E2F7: variants seen among roughly 807,000 people sequenced by gnomAD.
The protein encoded by E2F7 is E2F transcription factor 7, also known as transcription factor E2F7.
A neutral mutation model predicts 81.1 loss-of-function variants in E2F7; 35 were observed. That is an observed-to-expected ratio of 0.43 (90% CI 0.33 to 0.57). E2F7 has a LOEUF of 0.57. E2F7 is among the 20% of genes least tolerant of loss of function. The pLI is 0.04. For missense variants in E2F7, 961 were observed against 1,093.7 expected (o/e 0.88, Z 1.71); for synonymous variants, 416 against 416.2 (o/e 1.00, Z 0.01).
At position 77,024,021 on chromosome 12, in the gene E2F7, A is replaced by T; in HGVS notation, c.2730T>A (p.Ala910=). ...QRRLEIPSGG[A]D is the part of the protein sequence containing the mutation. ...CACCTGGCAAAGCGGCAGGTTAGTC[A>T]GCGCCGCCGCTGGGGATTTCTAGTC... is the stretch of plus-strand genomic sequence containing the variant. Residue 910 remains alanine, a synonymous_variant, in exon 13 of 13, where the codon GCT becomes GCA. Transcript: ENST00000322886. 6.2e-7 allele frequency: 1 copy of T among 1,612,968 alleles called. No individual in the cohort carries two copies. Among genetic ancestry groups the T allele is most frequent in the Non-Finnish European group, 8.5e-7 (1 of 1,179,788 alleles).
In E2F7 at chr12:77,027,856, A is replaced by G. The variant is rs937716582; in HGVS notation, c.2140+27T>C. On this transcript the variant is annotated intron_variant, in intron 11 of 12. Coordinates refer to ENST00000322886, the MANE Select transcript of E2F7 (RefSeq NM_203394.3). The stretch of plus-strand genomic sequence containing the variant: ...ATTCTTGATCTGACTGCCGCAAGGG[A>G]CTCTAAGACATGATGACATCCCTTA... 6.2e-6 allele frequency: 10 copies of G among 1,609,390 alleles called. No individual in the cohort carries two copies. In the African/African-American group the frequency reaches 1.3e-4, roughly 22 times the overall value.
At chr12:77,028,249 G>C in intron 10 of E2F7, 111 bp from the exon 11 acceptor site, 1 of 1,383,160 alleles carries the variant, frequency 7.2e-7, no homozygotes, top group South Asian at 1.5e-5. Context: ...CTGGAGTGCA[G>C]TGGCACGATC....
At chr12:77,028,412 G>C (rs914681943) in intron 10 of E2F7, among the ~76,000 whole-genome samples, 3 of 151,606 alleles carry the variant, frequency 2.0e-5, no homozygotes, top group African/African-American at 7.3e-5. Flanking sequence ...AGCTGGTCTC[G>C]AACTCCTGAC....
intron 4 of E2F7, among the ~76,000 whole-genome samples, chr12:77,049,480 A>C (rs1312824712): frequency 6.6e-6 from 1 of 152,148 alleles, no homozygotes; most frequent in Non-Finnish European, 1.5e-5. Flanking sequence ...CATTATCCCT[A>C]ACTTTGCTAT....
chr12:77,063,294 C>G (rs928360340), intron 2 of E2F7, among the ~76,000 whole-genome samples: 4 of 152,142 alleles, frequency 2.6e-5, no homozygotes, highest in Non-Finnish European at 4.4e-5. Context: ...GGTGAACGTT[C>G]TTGACTTAAG....
At chr12:77,036,966 G>T (rs1169325022) in intron 7 of E2F7, among the ~76,000 whole-genome samples, 1 of 152,106 alleles carries the variant, frequency 6.6e-6, no homozygotes, top group Admixed American at 6.5e-5. Flanking sequence ...AGCCAGGATG[G>T]TCTCAATCTC....
chr12:77,065,027 C>T (rs528539089), intron 1 of E2F7, among the ~76,000 whole-genome samples: 1 of 152,158 alleles, frequency 6.6e-6, no homozygotes, highest in Non-Finnish European at 1.5e-5. Flanking sequence ...GGTTTTGAAT[C>T]GGGGGAAGGA....
chr12:77,031,844 A>T (rs1954810439), intron 9 of E2F7, among the ~76,000 whole-genome samples: 1 of 152,134 alleles, frequency 6.6e-6, no homozygotes, highest in Non-Finnish European at 1.5e-5. Flanking sequence ...TCATCTCTCC[A>T]ATCAGCTGCC....
intron 3 of E2F7, among the ~76,000 whole-genome samples, chr12:77,052,743 C>G (rs1369382624): frequency 6.6e-6 from 1 of 151,790 alleles, no homozygotes; most frequent in Non-Finnish European, 1.5e-5. Context: ...AGACAATTAC[C>G]GAACTGAAAG....
intron 2 of E2F7, among the ~76,000 whole-genome samples, chr12:77,062,887 TAAA>T (rs200772361): frequency 2.3e-5 from 3 of 131,860 alleles, no homozygotes; most frequent in African/African-American, 5.7e-5. Flanking sequence ...CTTAGATAAT[TAAA>T]AAAAAAAAAA....
rs989039705 is a variant in E2F7, at chr12:77,030,121, C to T, written c.1594G>A (p.Ala532Thr). 1.9e-6 allele frequency: 3 copies of T among 1,614,068 alleles called. No homozygotes were observed. Among genetic ancestry groups the T allele is most frequent in the African/African-American group, 2.7e-5 (2 of 74,934 alleles). ...VDVSLASAAS[A>T]VESLKPALLA... is the part of the protein sequence containing the mutation. ...AGTGCTGGCTTCAGGCTCTCCACAGCAGAGGCTGCAGAAGCAAGTGAGACA... is the reference window on the plus strand; with the variant it reads ...AGTGCTGGCTTCAGGCTCTCCACAGTAGAGGCTGCAGAAGCAAGTGAGACA... The change falls in exon 10 of 13, where the codon GCT becomes ACT. Residue 532 changes from alanine to threonine, a missense_variant. Transcript: ENST00000322886.
chr12:77,025,514 C>A, intron 12 of E2F7, 44 bp downstream of exon 12: 1 of 1,597,918 alleles, frequency 6.3e-7, no homozygotes, highest in Non-Finnish European at 8.5e-7. Context: ...ACAGGCATAC[C>A]CCTTCCCAGA....
chr12:77,036,665 A>G (rs754561217), intron 7 of E2F7, among the ~76,000 whole-genome samples: 2 of 151,982 alleles, frequency 1.3e-5, no homozygotes, highest in Non-Finnish European at 2.9e-5. Flanking sequence ...GGCTCAAACA[A>G]TCCTCCCACC....
intron 11 of E2F7, among the ~76,000 whole-genome samples, chr12:77,026,991 C>G (rs986916944): frequency 2.0e-5 from 3 of 152,196 alleles, no homozygotes; most frequent in African/African-American, 7.2e-5. Context: ...AACCCCTGTG[C>G]TGGGCTGTAA....
chr12:77,026,420 A>C (rs1006488773), intron 11 of E2F7, among the ~76,000 whole-genome samples: 9 of 152,032 alleles, frequency 5.9e-5, no homozygotes, highest in African/African-American at 1.9e-4. Context: ...GTCCCATTTC[A>C]GTCTGCAGAG....
intron 6 of E2F7, chr12:77,044,287 G>T (rs1565904413): frequency 2.1e-6 from 1 of 465,506 alleles, no homozygotes; most frequent in African/African-American, 2.0e-5. Flanking sequence ...AGAGTATGCA[G>T]GGGGTGGGGA....
chr12:77,026,715 A>G lies in E2F7; in HGVS notation c.2141-733T>C, dbSNP rs550024710. Among the ~76,000 whole-genome samples, 6 of 152,366 alleles carry G rather than the reference A, an allele frequency of 3.9e-5. No individual in the cohort carries two copies. The South Asian group carries it at 1.2e-3, about 32-fold the overall frequency. ...TTTGTCATTAGGAAATAGTACAGAT[A>G]TGTGCATATTACATTAAACCTATTA... On this transcript the variant is annotated intron_variant, in intron 11 of 12. Transcript: ENST00000322886.
rs1954728873 is a variant in E2F7 at position 77,023,224 on chromosome 12, T to G, written c.*791A>C. On this transcript the variant is annotated 3_prime_UTR_variant, in exon 13 of 13. Coordinates refer to ENST00000322886, the MANE Select transcript of E2F7 (RefSeq NM_203394.3). ...GGATTTTTAGAAACAAACAGTAATA[T>G]CTCACTGTTCACACAGTTATTTGAG... The G allele has an allele frequency of 6.6e-6, 1 of 152,612 alleles. No individual in the cohort carries two copies. The highest frequency in any genetic ancestry group is 2.4e-5 in the African/African-American group (1 of 41,454). The allele number at this position is 152,612 out of a possible 1,614,324, so 9.5% of individuals were successfully genotyped here.
chr12:77,063,428 G>A (rs1955093654), intron 2 of E2F7, among the ~76,000 whole-genome samples: 1 of 152,180 alleles, frequency 6.6e-6, no homozygotes, highest in Non-Finnish European at 1.5e-5. Flanking sequence ...AACTGCAAAA[G>A]TTATAGCCAT....
Sources: allele counts gnomAD v4.1 joint callset (sites outside exome capture counted in the v4.1 genomes callset), GRCh38; gene constraint gnomAD v4.1.1; transcripts MANE v1.5; gene names NCBI Gene and HGNC (gene_info 2026-07-23, HGNC 2026-07-21).